Variants in SPTBN5 observed in about 807,000 individuals in gnomAD.
SPTBN5 encodes the protein spectrin beta chain, non-erythrocytic 5.
SPTBN5 carries 513 observed loss-of-function variants against 477.6 expected under a neutral mutation model. The observed-to-expected ratio is 1.07, with a 90% CI of 1.00 to 1.16. The LOEUF is 1.16. Among genes scored for constraint, SPTBN5 ranks in the 50% most tolerant of loss-of-function variants. The pLI is 0.00. For missense variants in SPTBN5, 5,062 were observed against 4,731.8 expected (o/e 1.07, Z -2.05); for synonymous variants, 2,169 against 2,011.7 (o/e 1.08, Z -2.09).
chr15:41,865,886 A>G lies in SPTBN5; in HGVS notation c.6840T>C (p.Val2280=). The G allele has an allele frequency of 6.3e-7, 1 of 1,582,576 alleles. No individual in the cohort carries two copies. Among genetic ancestry groups the G allele is most frequent in the Non-Finnish European group, 8.6e-7 (1 of 1,164,888 alleles). The part of the protein sequence containing the change: ...WIQEKEVKMN[V]GDLGQDLEHC... ...GCTCCAGGTCCTGGCCCAGGTCACC[A>G]ACATTCATCTTCACCTCCTGTGAAG... is the stretch of plus-strand genomic sequence containing the variant. The change falls in exon 39 of 68, where the codon GTT becomes GTC. Residue 2280 remains valine (V), a synonymous_variant. Transcript: ENST00000320955.
In SPTBN5 at chr15:41,890,117, A is replaced by G. The variant is rs1348395950; in HGVS notation, c.473T>C (p.Phe158Ser). The G allele has an allele frequency of 1.2e-6, 2 of 1,612,720 alleles. No homozygotes were observed. Among genetic ancestry groups the G allele is most frequent in the East Asian group, 2.2e-5 (1 of 44,850 alleles). Residue 158 changes from phenylalanine (F) to serine (S), a missense_variant, in exon 4 of 68, where the codon TTC (phenylalanine) becomes TCC (serine). Physicochemically the swap from Phe to Ser is radical, Grantham distance 155 (BLOSUM62 -2). Transcript: ENST00000320955. Reference protein sequence around the residue: ...LGLIWVIILRFQISHISLDKE... With the variant: ...LGLIWVIILRSQISHISLDKE... Reference sequence around the variant, plus strand: ...GTCCAAGGAGATGTGGGAGATCTGGAAACGCAGAATGATGACCCAGATGAG... The same window carrying G: ...GTCCAAGGAGATGTGGGAGATCTGGGAACGCAGAATGATGACCCAGATGAG...
intron 6 of SPTBN5, 62 bp downstream of exon 6, chr15:41,887,151 T>A: frequency 6.8e-7 from 1 of 1,465,834 alleles, no homozygotes; most frequent in Non-Finnish European, 9.3e-7. Flanking sequence ...AGGGCAGGCT[T>A]CACGCTTAGG....
chr15:41,855,500 G>A (rs759336409), intron 54 of SPTBN5, 49 bp downstream of exon 54: 5 of 1,599,412 alleles, frequency 3.1e-6, no homozygotes, highest in East Asian at 4.5e-5. Context: ...TGCCATCTCT[G>A]TAGGGGGCTT....
Position 41,856,598 on chromosome 15 carries a change from T to A in SPTBN5, c.8809A>T (p.Asn2937Tyr), listed in dbSNP as rs200163654. The A allele has an allele frequency of 6.1e-3, 9,716 of 1,581,878 alleles. 34 individuals are homozygous for A. The highest frequency in any genetic ancestry group is 8.1e-3 in the Middle Eastern group (49 of 6,028). The part of the protein sequence containing the change: ...AVRHLQEQHQ[N>Y]LESEMSSHEA... The stretch of plus-strand genomic sequence containing the variant: ...TGGCTGCTCATCTCACTCTCCAGGT[T>A]CTGCGGGGGAGGAGGCAGGAGGATG... The change falls in exon 53 of 68, where the codon AAC becomes TAC. Residue 2937 changes from asparagine (N) to tyrosine (Y), a missense_variant and splice_region_variant. Asn to Tyr is a moderately radical substitution (Grantham distance 143). Coordinates refer to ENST00000320955, the MANE Select transcript of SPTBN5 (RefSeq NM_016642.4).
Position 41,851,354 on chromosome 15 carries a change from A to AG in SPTBN5, c.10671dup (p.Trp3558LeufsTer19). ...TGCAAGTTCCCGCGGCAGCTGTCCC[A>AG]GGAGCTCGAGCTAGGCTGTGGAGAG... On this transcript the variant is annotated frameshift_variant, in exon 64 of 68. Transcript: ENST00000320955. LOFTEE classifies it high-confidence loss of function. The AG allele has an allele frequency of 6.4e-7, 1 of 1,550,882 alleles. No homozygotes were observed. The highest frequency in any genetic ancestry group is 8.7e-7 in the Non-Finnish European group (1 of 1,146,954).
At position 41,856,394 on chromosome 15, in the gene SPTBN5, G is replaced by A; in HGVS notation, c.9013C>T (p.Leu3005=). The change falls in exon 53 of 68, where the codon CTG becomes TTG. Residue 3005 remains leucine (L), a synonymous_variant. Transcript: ENST00000320955. ...LQQAQEAQQF[L]TELLEAGSWL... ...CCCATCACTCCCCTCACCTCAGTCA[G>A]AAACTGCTGGGCCTCCTGAGCCTGC... is the stretch of plus-strand genomic sequence containing the variant. 1 of 1,576,652 alleles carries A rather than the reference G, an allele frequency of 6.3e-7. No homozygotes were observed. The highest frequency in any genetic ancestry group is 8.6e-7 in the Non-Finnish European group (1 of 1,158,844).
chr15:41,849,962 G>A lies in SPTBN5; in HGVS notation c.10922-3C>T, dbSNP rs1463427629. 1.3e-6 allele frequency: 2 copies of A among 1,583,704 alleles called. No individual in the cohort carries two copies. Among genetic ancestry groups the A allele is most frequent in the Non-Finnish European group, 1.7e-6 (2 of 1,164,354 alleles). ...GAGTTTTGGGCTCAGACTCTGGGCT[G>A]CAGAGCAAGGGAATAACCACTGTTA... is the stretch of plus-strand genomic sequence containing the variant. On this transcript the variant is annotated splice_region_variant and splice_polypyrimidine_tract_variant and intron_variant, in intron 66 of 67. Transcript: ENST00000320955.
rs772236985 is a variant in SPTBN5, at chr15:41,893,111, C to T, written c.217-50G>A. The T allele has an allele frequency of 1.0e-5, 16 of 1,592,428 alleles. No individual in the cohort carries two copies. The Middle Eastern group carries it at 5.0e-4, about 50-fold the overall frequency. On this transcript the variant is annotated intron_variant, in intron 2 of 67. Coordinates refer to ENST00000320955, the MANE Select transcript of SPTBN5 (RefSeq NM_016642.4). ...TGGGGTCAGCCCAGCCTCACCTGTC[C>T]TCCCATCCTGGGACCTGAGAGGTAC...
chr15:41,853,847 A>G, intron 57 of SPTBN5, 60 bp from the exon 58 acceptor site: 2 of 1,477,364 alleles, frequency 1.4e-6, no homozygotes, highest in Non-Finnish European at 9.1e-7. Flanking sequence ...CGTGCTCTGC[A>G]TTCAGGAGCA....
At chr15:41,855,834 G>T (rs565867310) in intron 53 of SPTBN5, 89 bp from the exon 54 acceptor site, 1 of 1,355,598 alleles carries the variant, frequency 7.4e-7, no homozygotes, top group African/African-American at 1.5e-5. Context: ...GGCTGCACAG[G>T]GGAATCACCT....
rs903930930 is a variant in SPTBN5 at position 41,885,739 on chromosome 15, G to A, written c.1516C>T (p.Arg506Cys). The A allele has an allele frequency of 1.4e-5, 21 of 1,554,040 alleles. No homozygotes were observed. In the South Asian group the frequency reaches 2.0e-4, roughly 15 times the overall value. ...AGTTCATGTGCTGGGGCTCACCTGCGGGCCACATCTGCCCAGCTGTGGTAC... is the reference window on the plus strand; with the variant it reads ...AGTTCATGTGCTGGGGCTCACCTGCAGGCCACATCTGCCCAGCTGTGGTAC... ...EQYHSWADVA[R>C]RQEEVTVRWQ... The change falls in exon 7 of 68, where the codon CGC becomes TGC. Residue 506 changes from arginine (R) to cysteine (C), a missense_variant. Transcript: ENST00000320955.
At chr15:41,849,215 A>G (rs1347046742) in intron 67 of SPTBN5, among the ~76,000 whole-genome samples, 1 of 152,160 alleles carries the variant, frequency 6.6e-6, no homozygotes, top group African/African-American at 2.4e-5. Context: ...TTTGGAAGGG[A>G]AGGAGATGTG....
At position 41,852,849 on chromosome 15, in the gene SPTBN5, CCCT is replaced by C; in HGVS notation, c.10319_10321del (p.Glu3440del). Reference sequence around the variant, plus strand: ...CCCATAGTCGGGCTTCAGCAGGAGTCCCTCCCAGCAGGCCAGCCAGGCCTCAGC... The same window carrying C: ...CCCATAGTCGGGCTTCAGCAGGAGTCCCCAGCAGGCCAGCCAGGCCTCAGC... On this transcript the variant is annotated inframe_deletion, in exon 60 of 68. Transcript: ENST00000320955. The C allele has an allele frequency of 6.2e-7, 1 of 1,606,588 alleles. No homozygotes were observed. Among genetic ancestry groups the C allele is most frequent in the Non-Finnish European group, 8.5e-7 (1 of 1,175,420 alleles).
At chr15:41,889,624 G>A (rs1215170566) in intron 4 of SPTBN5, among the ~76,000 whole-genome samples, 3 of 152,156 alleles carry the variant, frequency 2.0e-5, no homozygotes, top group Admixed American at 6.5e-5. Flanking sequence ...TGGAATGAAG[G>A]AAGCTGGGGA....
At chr15:41,877,562 T>G (rs2066786392) in intron 17 of SPTBN5, among the ~76,000 whole-genome samples, 1 of 152,242 alleles carries the variant, frequency 6.6e-6, no homozygotes, top group Admixed American at 6.5e-5. Flanking sequence ...CAACAGCCGA[T>G]GCCCGGCCTA....
chr15:41,883,566 G>C, intron 7 of SPTBN5, 80 bp from the exon 8 acceptor site: 1 of 1,536,282 alleles, frequency 6.5e-7, no homozygotes, highest in Non-Finnish European at 8.8e-7. Context: ...CTGTGGTGGG[G>C]CTTGGCTGCC....
chr15:41,872,429 T>G lies in SPTBN5; in HGVS notation c.5038A>C (p.Ser1680Arg). Reference protein sequence around the residue: ...ALQEELAIYWSSMEELDQTAQ... With the variant: ...ALQEELAIYWRSMEELDQTAQ... ...GTCTGGTCAAGCTCCTCCATGGAGC[T>G]CCAGTAAATGGCTAGTTCCTCCTGT... The change falls in exon 27 of 68, where the codon AGC becomes CGC. Residue 1680 changes from serine (S) to arginine (R), a missense_variant. Transcript: ENST00000320955. 6.3e-7 allele frequency: 1 copy of G among 1,577,732 alleles called. No homozygotes were observed. The highest frequency in any genetic ancestry group is 2.3e-5 in the East Asian group (1 of 42,860).
chr15:41,851,807 T>G lies in SPTBN5; in HGVS notation c.10628A>C (p.Lys3543Thr). 5.0e-6 allele frequency: 8 copies of G among 1,610,774 alleles called. No homozygotes were observed. Among genetic ancestry groups the G allele is most frequent in the Non-Finnish European group, 6.8e-6 (8 of 1,179,504 alleles). Residue 3543 changes from lysine to threonine, a missense_variant, in exon 63 of 68, where the codon AAG (lysine) becomes ACG (threonine). Lys to Thr is a moderately conservative substitution (Grantham distance 78, BLOSUM62 -1). Transcript: ENST00000320955. ...TPTMEGSLEFKQHLLPGGRQP... is the reference protein window; with the variant it reads ...TPTMEGSLEFTQHLLPGGRQP... ...CCTCCCGCCAGGCAGCAGGTGCTGC[T>G]TGAACTCCAAAGACCCCTCCATGGT...
intron 32 of SPTBN5, among the ~76,000 whole-genome samples, chr15:41,869,100 A>ACCAATC (rs1338103370): frequency 6.6e-5 from 10 of 152,218 alleles, no homozygotes; most frequent in African/African-American, 1.9e-4. Context: ...ACTATACAAG[A>ACCAATC]TTGGTGCTGG....
Sources: allele counts gnomAD v4.1 joint callset (sites outside exome capture counted in the v4.1 genomes callset), GRCh38; gene constraint gnomAD v4.1.1; transcripts MANE v1.5; gene names NCBI Gene and HGNC (gene_info 2026-07-23, HGNC 2026-07-21).